The following TSPAN2 variants were observed in gnomAD, a reference collection of about 807,000 sequenced individuals.
The protein encoded by TSPAN2 is tetraspanin-2.
Under a neutral mutation model 33.3 loss-of-function variants are expected in TSPAN2, and 24 were observed. The observed-to-expected ratio is 0.72, with a 90% confidence interval of 0.52 to 1.01. TSPAN2 has a LOEUF of 1.01. TSPAN2 is among the 50% of genes least tolerant of loss of function. TSPAN2 has a pLI of 0.00. For missense variants in TSPAN2, 278 were observed against 281.3 expected (o/e 0.99, Z 0.08); for synonymous variants, 114 against 104.5 (o/e 1.09, Z -0.56).
intron 7 of TSPAN2, 137 bp downstream of exon 7, chr1:115,053,242 G>A: frequency 1.4e-6 from 1 of 706,252 alleles, no homozygotes; most frequent in East Asian, 2.8e-5. Context: ...CTTAGAAGAT[G>A]TAATACATTG....
intron 1 of TSPAN2, among the ~76,000 whole-genome samples, chr1:115,079,043 C>T (rs528276274): frequency 8.6e-5 from 13 of 151,970 alleles, no homozygotes; most frequent in East Asian, 7.8e-4. Context: ...GTACCATCCA[C>T]GGATACAAAG....
chr1:115,053,151 A>G (rs1273521022), intron 7 of TSPAN2, among the ~76,000 whole-genome samples: 1 of 152,230 alleles, frequency 6.6e-6, no homozygotes, highest in Non-Finnish European at 1.5e-5. Context: ...ACAATGACAC[A>G]CTCAAGGTCA....
At chr1:115,060,344 T>G (rs1227064362) in intron 4 of TSPAN2, 120 bp downstream of exon 4, 1 of 799,172 alleles carries the variant, frequency 1.3e-6, no homozygotes, top group African/African-American at 1.7e-5. Flanking sequence ...ACTTCTAAGT[T>G]AAAAAGTTCT....
chr1:115,051,136 C>A (rs7548679), intron 7 of TSPAN2, among the ~76,000 whole-genome samples: 4,320 of 152,034 alleles, frequency 0.028, 235 homozygotes, highest in African/African-American at 0.1. Context: ...ATGGTGAAAC[C>A]CTGTCACTAC....
chr1:115,058,925 G>A lies in TSPAN2; in HGVS notation c.402C>T (p.Asp134=), dbSNP rs111410374. 1.9e-6 allele frequency: 3 copies of A among 1,614,064 alleles called. No homozygotes were observed. Among genetic ancestry groups the A allele is most frequent in the Non-Finnish European group, 1.7e-6 (2 of 1,179,956 alleles). Residue 134 remains aspartate, a synonymous_variant, in exon 5 of 8, where the codon GAC becomes GAT. Coordinates refer to ENST00000369516, the MANE Select transcript of TSPAN2 (RefSeq NM_005725.6). ...TGAGTGTCCCATTGCCTTTTCCCCT[G>A]TCTTTAAGGTAATCATTGTAAGCCT... ...YEEAYNDYLK[D]RGKGNGTLIT... is the part of the protein sequence containing the mutation.
rs1675232202 is a variant in TSPAN2, at chr1:115,048,844, G to T, written c.*1646C>A. On this transcript the variant is annotated 3_prime_UTR_variant, in exon 8 of 8. Transcript: ENST00000369516. ...TAAGTTTTTAGCTTGCCTCAAATAT[G>T]ACCTTTGTTCTTCTAGAAAAATTTC... The T allele has an allele frequency of 6.6e-6, 1 of 152,126 alleles. No individual in the cohort carries two copies. Among genetic ancestry groups the T allele is most frequent in the Non-Finnish European group, 1.5e-5 (1 of 67,970 alleles). The allele number at this position is 152,126 out of a possible 1,614,324, so 9.4% of individuals were successfully genotyped here.
intron 1 of TSPAN2, among the ~76,000 whole-genome samples, chr1:115,075,863 T>A (rs1432388751): frequency 6.6e-6 from 1 of 152,200 alleles, no homozygotes; most frequent in Non-Finnish European, 1.5e-5. Flanking sequence ...CTACCATTTT[T>A]TTTTTAACCT....
chr1:115,063,984 C>G (rs899193582), intron 2 of TSPAN2, among the ~76,000 whole-genome samples: 1 of 152,074 alleles, frequency 6.6e-6, no homozygotes, highest in African/African-American at 2.4e-5. Context: ...TACCCCCAAT[C>G]TCGGCATCAC....
rs761054565 is a variant in TSPAN2 at position 115,062,090 on chromosome 1, G to A, written c.270+45C>T. Reference sequence around the variant, plus strand: ...CACTGACTCCCTTCAGATGCAGGCCGCTCCCTCACCCCCACCCCACCATTT... The same window carrying A: ...CACTGACTCCCTTCAGATGCAGGCCACTCCCTCACCCCCACCCCACCATTT... On this transcript the variant is annotated intron_variant, in intron 3 of 7. Transcript: ENST00000369516. 7.6e-6 allele frequency: 11 copies of A among 1,448,470 alleles called. No individual in the cohort carries two copies. In the East Asian group the frequency reaches 1.0e-4, roughly 13 times the overall value. 89.7% of individuals were successfully genotyped at this position (1,448,470 alleles called of 1,614,324 possible).
At chr1:115,061,556 A>C (rs1311357305) in intron 3 of TSPAN2, among the ~76,000 whole-genome samples, 2 of 152,206 alleles carry the variant, frequency 1.3e-5, no homozygotes, top group Admixed American at 6.5e-5. Context: ...TTTAAAGAAC[A>C]ATCATAGTCA....
At chr1:115,055,328 A>AT (rs11448025) in intron 6 of TSPAN2, among the ~76,000 whole-genome samples, 131,163 of 149,184 alleles carry the variant, frequency 0.88, 57,774 homozygotes, top group Middle Eastern at 0.96. Context: ...TGGAAAAGAG[A>AT]TTTTTTTTTT....
chr1:115,083,576 C>A (rs937707758), intron 1 of TSPAN2, among the ~76,000 whole-genome samples: 22 of 152,152 alleles, frequency 1.4e-4, no homozygotes, highest in Non-Finnish European at 2.8e-4. Context: ...AGACCAGCAA[C>A]ACGAGCATCA....
At chr1:115,067,240 T>G (rs1390465622) in intron 2 of TSPAN2, among the ~76,000 whole-genome samples, 1 of 152,188 alleles carries the variant, frequency 6.6e-6, no homozygotes, top group Non-Finnish European at 1.5e-5. Flanking sequence ...AGCTAGAAAT[T>G]GGTTCATTTT....
rs879179957 is a variant in TSPAN2, at chr1:115,059,094, T to C, written c.346-113A>G. ...CCTTTGAAAAACACTGCCTTTCTCA[T>C]AAGAATGATACAATGGACTTTGGGG... On this transcript the variant is annotated intron_variant, in intron 4 of 7. Coordinates refer to ENST00000369516, the MANE Select transcript of TSPAN2 (RefSeq NM_005725.6). 82 of 816,726 alleles carry C rather than the reference T, an allele frequency of 1.0e-4. 2 individuals carry two copies. The South Asian group carries it at 1.2e-3, about 12-fold the overall frequency. 50.6% of individuals were successfully genotyped at this position (816,726 alleles called of 1,614,324 possible). A position where few individuals can be genotyped will look rare whatever the true frequency, so the allele number is the denominator to read the frequency against.
intron 2 of TSPAN2, among the ~76,000 whole-genome samples, chr1:115,069,352 A>T (rs1463116869): frequency 1.3e-5 from 2 of 152,264 alleles, no homozygotes; most frequent in Non-Finnish European, 2.9e-5. Flanking sequence ...AAGCCCAGGC[A>T]TATGCCCACA....
chr1:115,063,995 T>C (rs1393013807), intron 2 of TSPAN2, among the ~76,000 whole-genome samples: 4 of 151,986 alleles, frequency 2.6e-5, no homozygotes, highest in Non-Finnish European at 4.4e-5. Flanking sequence ...TCGGCATCAC[T>C]CAATGTACCT....
chr1:115,071,724 T>C (rs780112176), intron 2 of TSPAN2, among the ~76,000 whole-genome samples: 2 of 152,236 alleles, frequency 1.3e-5, no homozygotes, highest in Admixed American at 6.5e-5. Context: ...ATGTCCTTAT[T>C]GTTATCCATC....
chr1:115,071,338 G>A (rs577053163), intron 2 of TSPAN2, among the ~76,000 whole-genome samples: 5 of 152,258 alleles, frequency 3.3e-5, no homozygotes, highest in Admixed American at 1.3e-4. Context: ...CCTATGAAGC[G>A]AAATTTGCTT....
At chr1:115,078,493 T>C (rs993394755) in intron 1 of TSPAN2, among the ~76,000 whole-genome samples, 1 of 152,094 alleles carries the variant, frequency 6.6e-6, no homozygotes, top group East Asian at 1.9e-4. Context: ...GGTTGGGGCT[T>C]TGGGAGGTAA....
Sources: allele counts gnomAD v4.1 joint callset (sites outside exome capture counted in the v4.1 genomes callset), GRCh38; gene constraint gnomAD v4.1.1; transcripts MANE v1.5; gene names NCBI Gene and HGNC (gene_info 2026-07-23, HGNC 2026-07-21).